The following TAFA5 variants were observed in gnomAD, a reference collection of about 807,000 sequenced individuals.
TAFA5 encodes the protein chemokine-like protein TAFA-5.
A neutral mutation model predicts 15.3 loss-of-function variants in TAFA5; 6 were observed. That is an observed-to-expected ratio of 0.39 (90% confidence interval 0.21 to 0.77). TAFA5 has a LOEUF of 0.77. TAFA5 is among the 30% of genes least tolerant of loss of function. The probability of loss-of-function intolerance (pLI) is 0.41; values close to 1 mark genes in which losing one functional copy is unlikely to be tolerated. For missense variants in TAFA5, 161 were observed against 193.1 expected (o/e 0.83, Z 0.98); for synonymous variants, 103 against 80.7 (o/e 1.28, Z -1.48).
rs577561454 is a variant in TAFA5, at chr22:48,749,562, G to A, written c.391-277G>A. Among the ~76,000 whole-genome samples, 472 of 152,320 alleles carry A rather than the reference G, an allele frequency of 3.1e-3. 2 individuals are homozygous for A. Among genetic ancestry groups the A allele is most frequent in the Non-Finnish European group, 4.7e-3 (318 of 68,014 alleles). On this transcript the variant is annotated intron_variant, in intron 3 of 3. Coordinates refer to ENST00000402357, the MANE Select transcript of TAFA5 (RefSeq NM_001082967.3). ...TATGGCTGCATAGAGGAAGGAAGCC[G>A]GCAAGTGGGGTGGGAAGGCCTCTGG...
chr22:48,622,969 A>C (rs1925892359), intron 1 of TAFA5, among the ~76,000 whole-genome samples: 2 of 152,242 alleles, frequency 1.3e-5, no homozygotes, highest in South Asian at 4.1e-4. Context: ...TTCTGTGGAC[A>C]CTTCGCTCCA....
In TAFA5 at chr22:48,489,728, C is replaced by T. The variant is rs771114729; in HGVS notation, c.112+24C>T. The T allele has an allele frequency of 7.3e-7, 1 of 1,376,394 alleles. No individual in the cohort carries two copies. The highest frequency in any genetic ancestry group is 2.7e-5 in the Admixed American group (1 of 36,694). The allele number at this position is 1,376,394 out of a possible 1,614,324, so 85.3% of individuals were successfully genotyped here. ...CAGTGAGTACCGCGCGGCCCCGGCC[C>T]CGGCACGGCCCTCTGGGCCCCGGAC... On this transcript the variant is annotated intron_variant, in intron 1 of 3. Coordinates refer to ENST00000402357, the MANE Select transcript of TAFA5 (RefSeq NM_001082967.3). This position sits in a 1 kb window ranked among gnomAD's most constrained non-coding sequence, Gnocchi z 5.5.
chr22:48,615,512 G>C (rs1197656732), intron 1 of TAFA5, among the ~76,000 whole-genome samples: 1 of 152,228 alleles, frequency 6.6e-6, no homozygotes, highest in Non-Finnish European at 1.5e-5. Flanking sequence ...CCCTGTGCCT[G>C]ACTTTCAAGG....
At chr22:48,605,037 C>T (rs901120322) in intron 1 of TAFA5, among the ~76,000 whole-genome samples, 5 of 148,774 alleles carry the variant, frequency 3.4e-5, no homozygotes, top group African/African-American at 9.9e-5. Flanking sequence ...TGATGATGAT[C>T]GTGGTGATAA....
At chr22:48,612,568 G>A (rs1184226112) in intron 1 of TAFA5, among the ~76,000 whole-genome samples, 5 of 151,844 alleles carry the variant, frequency 3.3e-5, no homozygotes, top group South Asian at 2.1e-4. Flanking sequence ...AGCAGCCCTC[G>A]CCTAATGGGA....
intron 2 of TAFA5, among the ~76,000 whole-genome samples, chr22:48,674,616 C>T (rs756861613): frequency 1.8e-4 from 28 of 152,300 alleles, no homozygotes; most frequent in Non-Finnish European, 3.8e-4. Flanking sequence ...TGCATCTGGG[C>T]CCTAGTGACT....
chr22:48,655,652 C>T (rs181912023), intron 2 of TAFA5, among the ~76,000 whole-genome samples: 2 of 152,126 alleles, frequency 1.3e-5, no homozygotes, highest in East Asian at 1.9e-4. Context: ...GTTTCCAACA[C>T]GTGAATTTAG....
intron 1 of TAFA5, chr22:48,547,423 G>A (rs1287662445): frequency 6.6e-6 from 1 of 152,270 alleles, no homozygotes; most frequent in Non-Finnish European, 1.5e-5. Flanking sequence ...CTTTGTAGAA[G>A]GGGAAGTGAG....
chr22:48,721,750 C>G (rs372527717), intron 3 of TAFA5, among the ~76,000 whole-genome samples: 34 of 152,254 alleles, frequency 2.2e-4, no homozygotes, highest in Admixed American at 1.1e-3. Flanking sequence ...AGGCAGATCA[C>G]TTGAAGTCAG....
At chr22:48,554,235 G>A (rs1286381771) in intron 1 of TAFA5, among the ~76,000 whole-genome samples, 1 of 152,004 alleles carries the variant, frequency 6.6e-6, no homozygotes, top group Non-Finnish European at 1.5e-5. Flanking sequence ...CTTTGAAGGT[G>A]CAGAAGTTTG....
intron 2 of TAFA5, among the ~76,000 whole-genome samples, chr22:48,698,282 C>T (rs1277201171): frequency 1.3e-5 from 2 of 151,804 alleles, no homozygotes; most frequent in Non-Finnish European, 2.9e-5. Context: ...TCGAGACCAG[C>T]CTGGCCAACA....
intron 1 of TAFA5, among the ~76,000 whole-genome samples, chr22:48,529,208 A>AGGGTGTCCAGGCAGGAGATGG: frequency 8.2e-6 from 1 of 121,382 alleles, no homozygotes; most frequent in Non-Finnish European, 1.7e-5. Context: ...GCAGGAAATG[A>AGGGTGTCCAGGCAGGAGATGG]GGATGTCCAG....
At position 48,736,079 on chromosome 22, in the gene TAFA5, A is replaced by G. The variant is rs1210580592; in HGVS notation, c.391-13760A>G. Among the ~76,000 whole-genome samples the G allele has an allele frequency of 1.1e-3, 66 of 61,302 alleles. 2 individuals are homozygous for G. The highest frequency in any genetic ancestry group is 5.7e-3 in the African/African-American group (53 of 9,342). The allele number at this position is 61,302 out of a possible 152,430, so 40.2% of individuals were successfully genotyped here. A position where few individuals can be genotyped will look rare whatever the true frequency, so the allele number is the denominator to read the frequency against. ...GGAGGAATGAGAATCGCACTCCTAG[A>G]GTCCATCCCCCCAGGAGGAATGAGA... On this transcript the variant is annotated intron_variant, in intron 3 of 3. Coordinates refer to ENST00000402357, the MANE Select transcript of TAFA5 (RefSeq NM_001082967.3).
intron 2 of TAFA5, 95 bp from the exon 3 acceptor site, chr22:48,707,622 C>A: frequency 1.4e-6 from 2 of 1,432,738 alleles, no homozygotes; most frequent in African/African-American, 2.8e-5. Context: ...TGCCTGAGGG[C>A]CCCCCCAGCC....
chr22:48,644,083 G>T (rs951000125), intron 1 of TAFA5, among the ~76,000 whole-genome samples: 12 of 152,194 alleles, frequency 7.9e-5, no homozygotes, highest in African/African-American at 2.7e-4. Flanking sequence ...CATCCTCCCG[G>T]ATGCTCTTTC....
chr22:48,706,693 C>T (rs775320853), intron 2 of TAFA5, among the ~76,000 whole-genome samples: 26 of 152,164 alleles, frequency 1.7e-4, no homozygotes, highest in Non-Finnish European at 3.5e-4. Context: ...ATCTGAATGC[C>T]TACGTTTTTC....
At chr22:48,723,665 G>C (rs544690768) in intron 3 of TAFA5, among the ~76,000 whole-genome samples, 1 of 152,242 alleles carries the variant, frequency 6.6e-6, no homozygotes. Context: ...TAGGGTGGGA[G>C]ACCTTGTGGA....
At chr22:48,577,173 T>G (rs867757511) in intron 1 of TAFA5, among the ~76,000 whole-genome samples, 7 of 152,258 alleles carry the variant, frequency 4.6e-5, no homozygotes, top group Non-Finnish European at 8.8e-5. Context: ...TTTGCTGGAC[T>G]GCAGGGCAGT....
At chr22:48,714,782 T>C (rs1479317937) in intron 3 of TAFA5, among the ~76,000 whole-genome samples, 1 of 152,102 alleles carries the variant, frequency 6.6e-6, no homozygotes, top group Non-Finnish European at 1.5e-5. Context: ...GGCAGAAACA[T>C]ATTATCTCAA....
Sources: allele counts gnomAD v4.1 joint callset (sites outside exome capture counted in the v4.1 genomes callset), GRCh38; gene constraint gnomAD v4.1.1; non-coding constraint Gnocchi (gnomAD v3.1); transcripts MANE v1.5; gene names NCBI Gene and HGNC (gene_info 2026-07-23, HGNC 2026-07-21).